The following NRXN3 variants were observed in gnomAD, a reference collection of about 807,000 sequenced individuals.
NRXN3 encodes neurexin III.
A neutral mutation model predicts 137.6 loss-of-function variants in NRXN3; 32 were observed. The observed-to-expected ratio is 0.23, with a 90% CI of 0.18 to 0.31. The LOEUF is 0.31. Among genes scored for constraint, NRXN3 ranks in the 10% least tolerant of loss-of-function variants. The pLI, the probability that NRXN3 is intolerant of heterozygous loss-of-function variation, is 1.00. For missense variants in NRXN3, 1,574 were observed against 2,062.5 expected (o/e 0.76, Z 4.59); for synonymous variants, 798 against 784.5 (o/e 1.02, Z -0.29).
At chr14:78,353,423 A>G (rs2083835975) in intron 4 of NRXN3, among the ~76,000 whole-genome samples, 1 of 152,024 alleles carries the variant, frequency 6.6e-6, no homozygotes, top group Non-Finnish European at 1.5e-5. Flanking sequence ...GGTTCATAGC[A>G]TTTTCTTGCT....
At chr14:79,293,957 C>A (rs2083611323) in intron 15 of NRXN3, among the ~76,000 whole-genome samples, 2 of 152,186 alleles carry the variant, frequency 1.3e-5, no homozygotes, top group Admixed American at 1.3e-4. Flanking sequence ...GAGCTTAGAT[C>A]CCGCGCTTGC....
intron 15 of NRXN3, among the ~76,000 whole-genome samples, chr14:79,110,798 T>TTTACTTA: frequency 7.4e-6 from 1 of 135,646 alleles, no homozygotes; most frequent in African/African-American, 2.7e-5. Context: ...TTATTTATTT[T>TTTACTTA]TTTATTTTTT....
At chr14:79,415,294 G>A (rs1233176552) in intron 15 of NRXN3, among the ~76,000 whole-genome samples, 3 of 152,018 alleles carry the variant, frequency 2.0e-5, no homozygotes, top group Non-Finnish European at 4.4e-5. Context: ...TCAACCAACT[G>A]TGGATCAAAA....
intron 17 of NRXN3, among the ~76,000 whole-genome samples, chr14:79,690,864 A>G (rs2098713944): frequency 6.6e-6 from 1 of 152,130 alleles, no homozygotes; most frequent in South Asian, 2.1e-4. Context: ...CTGATGCTAT[A>G]TGCAATTCTA....
rs182895967 is a variant in NRXN3 at position 78,556,791 on chromosome 14, T to C, written c.758-88329T>C. ...TTTTGTAGACCATCAAGAAATAGCA[T>C]TGTGATCATTGGGCTTCTCCCTAGC... On this transcript the variant is annotated intron_variant, in intron 4 of 20. Transcript: ENST00000335750. Among the ~76,000 whole-genome samples the C allele has an allele frequency of 3.7e-3, 559 of 152,134 alleles. 6 individuals are homozygous for C. The highest frequency in any genetic ancestry group is 0.013 in the African/African-American group (541 of 41,500).
chr14:78,716,968 T>C (rs560714351), intron 8 of NRXN3, among the ~76,000 whole-genome samples: 1 of 152,294 alleles, frequency 6.6e-6, no homozygotes, highest in Admixed American at 6.5e-5. Flanking sequence ...CTGGGCTCTT[T>C]CCAAGTATGT....
At chr14:78,878,229 T>C (rs2152621608) in intron 10 of NRXN3, among the ~76,000 whole-genome samples, 1 of 152,318 alleles carries the variant, frequency 6.6e-6, no homozygotes, top group Non-Finnish European at 1.5e-5. Flanking sequence ...AAAAGTACAC[T>C]GATCTACTTT....
chr14:78,907,585 G>A (rs936322932), intron 10 of NRXN3, among the ~76,000 whole-genome samples: 1 of 151,864 alleles, frequency 6.6e-6, no homozygotes, highest in African/African-American at 2.4e-5. Context: ...TTAAGATAAA[G>A]AAGCCTACAT....
chr14:78,644,311 C>A (rs61976142), intron 4 of NRXN3, among the ~76,000 whole-genome samples: 3 of 152,056 alleles, frequency 2.0e-5, no homozygotes, highest in Non-Finnish European at 2.9e-5. Flanking sequence ...CAGTAGAATG[C>A]GATCTTGGCC....
At chr14:79,411,932 G>A (rs1254549080) in intron 15 of NRXN3, among the ~76,000 whole-genome samples, 1 of 152,056 alleles carries the variant, frequency 6.6e-6, no homozygotes, top group Non-Finnish European at 1.5e-5. Flanking sequence ...AAATACACAG[G>A]GTATGTACAA....
chr14:78,695,583 A>T (rs1282355334), intron 6 of NRXN3: 1 of 152,090 alleles, frequency 6.6e-6, no homozygotes, highest in African/African-American at 2.4e-5. Context: ...TAAGCCATTA[A>T]TTAATACTTA....
intron 15 of NRXN3, among the ~76,000 whole-genome samples, chr14:79,239,786 T>A (rs2073981230): frequency 1.3e-5 from 2 of 152,114 alleles, no homozygotes. Flanking sequence ...ATGAAGAGAA[T>A]GTAGTAATGT....
intron 6 of NRXN3, among the ~76,000 whole-genome samples, chr14:78,706,143 T>C (rs927705644): frequency 1.3e-4 from 20 of 152,246 alleles, no homozygotes; most frequent in African/African-American, 4.3e-4. Flanking sequence ...CCCTTTGGGA[T>C]GACCTATTGT....
intron 19 of NRXN3, among the ~76,000 whole-genome samples, chr14:79,769,363 C>A (rs1294049836): frequency 4.0e-5 from 6 of 151,674 alleles, no homozygotes; most frequent in African/African-American, 1.2e-4. Flanking sequence ...ATGTTAAGGG[C>A]AGCCAGAGAG....
intron 20 of NRXN3, among the ~76,000 whole-genome samples, chr14:79,859,080 T>G (rs1462433675): frequency 6.6e-6 from 1 of 151,758 alleles, no homozygotes; most frequent in Non-Finnish European, 1.5e-5. Flanking sequence ...AGTTTCAAAC[T>G]CTGAGCACCA....
intron 2 of NRXN3, among the ~76,000 whole-genome samples, chr14:78,256,050 T>G (rs1325042206): frequency 6.6e-6 from 1 of 152,228 alleles, no homozygotes; most frequent in Non-Finnish European, 1.5e-5. Context: ...TCCGCTTGGT[T>G]TGATCTAGTT....
intron 15 of NRXN3, among the ~76,000 whole-genome samples, chr14:79,431,798 T>C (rs1335399281): frequency 6.6e-6 from 1 of 152,212 alleles, no homozygotes; most frequent in African/African-American, 2.4e-5. Context: ...TACGCAGTAT[T>C]AAGTTCTATT....
At chr14:78,863,022 G>T (rs1189901360) in intron 10 of NRXN3, among the ~76,000 whole-genome samples, 1 of 152,032 alleles carries the variant, frequency 6.6e-6, no homozygotes, top group Middle Eastern at 3.2e-3. Flanking sequence ...CCCTCTAGAG[G>T]ATAATACATT....
chr14:79,620,148 G>A (rs900864694), intron 16 of NRXN3, among the ~76,000 whole-genome samples: 2 of 152,096 alleles, frequency 1.3e-5, no homozygotes, highest in African/African-American at 2.4e-5. Flanking sequence ...TATGGGGCAC[G>A]ATTGAATAAT....
Sources: gnomAD v4.1 joint callset for allele counts (sites outside exome capture counted in the v4.1 genomes callset) on GRCh38, gnomAD v4.1.1 for gene constraint, MANE v1.5 for transcripts, NCBI Gene and HGNC (gene_info 2026-07-23, HGNC 2026-07-21) for gene names.